Variants in CDC25C observed in about 807,000 individuals in gnomAD.
The protein encoded by CDC25C is M-phase inducer phosphatase 3.
Under a neutral mutation model 52.5 loss-of-function variants are expected in CDC25C, and 48 were observed. The observed-to-expected ratio is 0.91, with a 90% CI of 0.72 to 1.16. The LOEUF (loss-of-function observed/expected upper bound fraction) is 1.16, where lower values mean the gene tolerates loss of function less well. Ranked by LOEUF, CDC25C falls within the 50% of genes most tolerant of loss-of-function variation. The pLI, the probability that CDC25C is intolerant of heterozygous loss-of-function variation, is 0.00. For synonymous variants in CDC25C, 187 were observed against 206.5 expected (o/e 0.91, Z 0.81); for missense variants, 510 against 566.1 (o/e 0.90, Z 1.01).
At chr5:138,306,261 T>G (rs1757992233) in intron 7 of CDC25C, among the ~76,000 whole-genome samples, 1 of 152,060 alleles carries the variant, frequency 6.6e-6, no homozygotes, top group Non-Finnish European at 1.5e-5. Context: ...TGAAAAAAAT[T>G]TTTGTTGTTT....
At chr5:138,308,694 T>A (rs1380263217) in intron 7 of CDC25C, among the ~76,000 whole-genome samples, 1 of 152,124 alleles carries the variant, frequency 6.6e-6, no homozygotes, top group Non-Finnish European at 1.5e-5. Context: ...TCAGATTGTA[T>A]CTTGGTTTTG....
intron 7 of CDC25C, among the ~76,000 whole-genome samples, chr5:138,317,682 T>TAA (rs70982706): frequency 0.019 from 1,015 of 53,036 alleles, 16 homozygotes; most frequent in Middle Eastern, 0.075. Flanking sequence ...CCTGTCTATC[T>TAA]AAAAAAAAAA....
At chr5:138,292,709 G>A (rs139712585) in intron 7 of CDC25C, among the ~76,000 whole-genome samples, 3 of 152,142 alleles carry the variant, frequency 2.0e-5, no homozygotes, top group South Asian at 2.1e-4. Flanking sequence ...TGGCTCAAAC[G>A]TCATGAAGAA....
At chr5:138,310,946 A>G (rs1758404402) in intron 7 of CDC25C, among the ~76,000 whole-genome samples, 1 of 152,250 alleles carries the variant, frequency 6.6e-6, no homozygotes, top group East Asian at 1.9e-4. Flanking sequence ...ACTTACTACA[A>G]AGCTGCAGTA....
intron 7 of CDC25C, among the ~76,000 whole-genome samples, chr5:138,310,037 T>G (rs1245572523): frequency 6.6e-6 from 1 of 152,168 alleles, no homozygotes; most frequent in Non-Finnish European, 1.5e-5. Context: ...ACCAGCCACT[T>G]TCTACCTTCT....
At chr5:138,294,124 C>T (rs970644942) in intron 7 of CDC25C, among the ~76,000 whole-genome samples, 1 of 145,718 alleles carries the variant, frequency 6.9e-6, no homozygotes, top group Non-Finnish European at 1.5e-5. Flanking sequence ...CTCCCAGGTT[C>T]AAGTGATTCT....
At chr5:138,337,877 G>T in intron 1 of CDC25C, 1 of 1,047,868 alleles carries the variant, frequency 9.5e-7, no homozygotes, top group Non-Finnish European at 1.3e-6. Context: ...GGCTAATTGC[G>T]TGACGCGGCC....
chr5:138,310,831 A>G (rs1561697113), intron 7 of CDC25C, among the ~76,000 whole-genome samples: 1 of 152,198 alleles, frequency 6.6e-6, no homozygotes, highest in East Asian at 1.9e-4. Flanking sequence ...GGGACTTCGA[A>G]TGGTGGTCAG....
rs1408674207 is a variant in CDC25C at position 138,285,276 on chromosome 5, C to T, written c.*416G>A. ...TAGGCTCACAATCACACCTCTCATT[C>T]TGTAGTGTTTATTTTTCCATTTTTA... On this transcript the variant is annotated 3_prime_UTR_variant, in exon 14 of 14. Coordinates refer to ENST00000323760, the MANE Select transcript of CDC25C (RefSeq NM_001790.5). 5.4e-6 allele frequency: 1 copy of T among 186,240 alleles called. No individual in the cohort carries two copies. The highest frequency in any genetic ancestry group is 1.1e-5 in the Non-Finnish European group (1 of 89,578). The allele number at this position is 186,240 out of a possible 1,614,324, so 11.5% of individuals were successfully genotyped here.
At chr5:138,325,266 G>A (rs1258884462) in intron 6 of CDC25C, among the ~76,000 whole-genome samples, 1 of 152,098 alleles carries the variant, frequency 6.6e-6, no homozygotes, top group Non-Finnish European at 1.5e-5. Flanking sequence ...CTAGAAAAGG[G>A]GCTTAGATGA....
Position 138,307,490 on chromosome 5 carries a change from C to CA in CDC25C, c.615+11728dup, listed in dbSNP as rs57593237. 3.2e-3 allele frequency among the ~76,000 whole-genome samples: 281 copies of CA among 88,208 alleles called. 2 individuals are homozygous for CA. The highest frequency in any genetic ancestry group is 8.9e-3 in the African/African-American group (192 of 21,562). The allele number at this position is 88,208 out of a possible 152,430, so 57.9% of individuals were successfully genotyped here. A position where few individuals can be genotyped will look rare whatever the true frequency, so the allele number is the denominator to read the frequency against. On this transcript the variant is annotated intron_variant, in intron 7 of 13. Transcript: ENST00000323760. Reference sequence around the variant, plus strand: ...CCTGGAAGACAGACTGAGACTGCCACAAAAAAAAAAAAAAAAAAAAAGAAA... The same window carrying CA: ...CCTGGAAGACAGACTGAGACTGCCACAAAAAAAAAAAAAAAAAAAAAAGAAA...
At chr5:138,300,913 A>T (rs1245806583) in intron 7 of CDC25C, among the ~76,000 whole-genome samples, 1 of 152,188 alleles carries the variant, frequency 6.6e-6, no homozygotes, top group Non-Finnish European at 1.5e-5. Flanking sequence ...TAACCCCTAC[A>T]TCAAAAAAGA....
At chr5:138,320,915 CAAAAAAAA>C (rs57923567) in intron 6 of CDC25C, among the ~76,000 whole-genome samples, 4 of 42,256 alleles carry the variant, frequency 9.5e-5, no homozygotes, top group African/African-American at 3.4e-4. Context: ...GACTCTGTCT[CAAAAAAAA>C]AAAAAAAAAA....
chr5:138,320,937 A>C (rs1300937259), intron 6 of CDC25C, among the ~76,000 whole-genome samples: 1 of 149,822 alleles, frequency 6.7e-6, no homozygotes, highest in Non-Finnish European at 1.5e-5. Context: ...AAAAAAAAAA[A>C]AAAAAAAAGT....
chr5:138,292,767 A>G (rs1169290315), intron 7 of CDC25C, among the ~76,000 whole-genome samples: 1 of 152,166 alleles, frequency 6.6e-6, no homozygotes, highest in African/African-American at 2.4e-5. Context: ...GTATAAGAGG[A>G]TAGACTGTTG....
In CDC25C at chr5:138,285,282, T is replaced by C. The variant is rs1024630179; in HGVS notation, c.*410A>G. On this transcript the variant is annotated 3_prime_UTR_variant, in exon 14 of 14. Transcript: ENST00000323760. ...CACAATCACACCTCTCATTCTGTAG[T>C]GTTTATTTTTCCATTTTTAAAAAAG... 1 of 188,100 alleles carries C rather than the reference T, an allele frequency of 5.3e-6. No homozygotes were observed. Among genetic ancestry groups the C allele is most frequent in the African/African-American group, 2.4e-5 (1 of 41,992 alleles). 11.7% of individuals were successfully genotyped at this position (188,100 alleles called of 1,614,324 possible).
chr5:138,315,794 C>T (rs1175391223), intron 7 of CDC25C, among the ~76,000 whole-genome samples: 2 of 152,186 alleles, frequency 1.3e-5, no homozygotes, highest in African/African-American at 4.8e-5. Flanking sequence ...CTTGTAATTC[C>T]AGCACTTTGA....
intron 4 of CDC25C, among the ~76,000 whole-genome samples, chr5:138,326,861 A>G (rs1449011460): frequency 6.7e-6 from 1 of 148,658 alleles, no homozygotes; most frequent in Non-Finnish European, 1.5e-5. Flanking sequence ...CTGAGGCAGG[A>G]GAATCGCTTG....
chr5:138,335,299 A>G (rs1299552094), upstream of CDC25C: 1 of 152,094 alleles, frequency 6.6e-6, no homozygotes, highest in Non-Finnish European at 1.5e-5. Context: ...ACTTCTCCCC[A>G]CTTTGCAGAG....
Sources: allele counts gnomAD v4.1 joint callset (sites outside exome capture counted in the v4.1 genomes callset), GRCh38; gene constraint gnomAD v4.1.1; transcripts MANE v1.5; gene names NCBI Gene and HGNC (gene_info 2026-07-23, HGNC 2026-07-21).